CLASP1: variants seen among roughly 807,000 people sequenced by gnomAD.
CLASP1 encodes the protein cytoplasmic linker associated protein 1, also known as CLIP-associating protein 1.
In CLASP1, 38 loss-of-function variants were observed where a neutral mutation model predicts 192.3. That is an observed-to-expected ratio of 0.20 (90% CI 0.15 to 0.26). CLASP1 has a LOEUF of 0.26. CLASP1 is among the 10% of genes least tolerant of loss of function. The pLI is 1.00. For missense variants in CLASP1, 1,433 were observed against 1,932.5 expected (o/e 0.74, Z 4.85); for synonymous variants, 691 against 712.8 (o/e 0.97, Z 0.49).
At chr2:121,621,353 T>G (rs1443281648) in intron 1 of CLASP1, among the ~76,000 whole-genome samples, 4 of 152,210 alleles carry the variant, frequency 2.6e-5, no homozygotes. Context: ...CAGGCTGATC[T>G]TGAATTCCTG....
chr2:121,584,928 A>G (rs2061558522), intron 2 of CLASP1, among the ~76,000 whole-genome samples: 1 of 152,238 alleles, frequency 6.6e-6, no homozygotes, highest in Non-Finnish European at 1.5e-5. Flanking sequence ...CAAAGAAACA[A>G]AAGAAGGCTA....
At chr2:121,461,669 A>C (rs113101399) in intron 10 of CLASP1, among the ~76,000 whole-genome samples, 1 of 152,128 alleles carries the variant, frequency 6.6e-6, no homozygotes, top group African/African-American at 2.4e-5. Flanking sequence ...CTTAAGGATG[A>C]ACCTGAACCC....
At chr2:121,525,792 T>C (rs2094560976) in intron 6 of CLASP1, 53 bp downstream of exon 6, 7 of 1,285,546 alleles carry the variant, frequency 5.4e-6, no homozygotes, top group Admixed American at 5.4e-5. Context: ...CCAGAATGCA[T>C]CTCAACAGTC....
At chr2:121,583,148 T>C (rs2061390765) in intron 2 of CLASP1, among the ~76,000 whole-genome samples, 2 of 152,332 alleles carry the variant, frequency 1.3e-5, no homozygotes, top group South Asian at 4.1e-4. Context: ...TAAGGGACCG[T>C]TGTTGCTCTT....
chr2:121,579,234 G>C (rs1442230863), intron 2 of CLASP1, among the ~76,000 whole-genome samples: 6 of 152,188 alleles, frequency 3.9e-5, no homozygotes, highest in Non-Finnish European at 5.9e-5. Flanking sequence ...GAAGAAGACA[G>C]AGGGGCTGGG....
At chr2:121,387,725 G>C in intron 31 of CLASP1, 38 bp downstream of exon 32, 1 of 1,608,250 alleles carries the variant, frequency 6.2e-7, no homozygotes, top group Non-Finnish European at 8.5e-7. Flanking sequence ...AGAGGTCATG[G>C]ACATCACATA....
chr2:121,518,945 A>G (rs1049859258), intron 6 of CLASP1, among the ~76,000 whole-genome samples: 7 of 152,242 alleles, frequency 4.6e-5, no homozygotes, highest in Non-Finnish European at 7.3e-5. Context: ...CTTGAATACT[A>G]TTAAAGTGTA....
chr2:121,440,347 T>C (rs545287222), intron 19 of CLASP1, among the ~76,000 whole-genome samples: 77 of 152,344 alleles, frequency 5.1e-4, no homozygotes, highest in African/African-American at 1.8e-3. Flanking sequence ...TACCTGTGCA[T>C]GTTTTTAAAA....
intron 2 of CLASP1, among the ~76,000 whole-genome samples, chr2:121,533,436 T>C (rs1282121501): frequency 2.0e-5 from 3 of 152,198 alleles, no homozygotes; most frequent in Non-Finnish European, 4.4e-5. Flanking sequence ...TGGACAATAA[T>C]AACAGCTGCC....
At chr2:121,541,161 C>T (rs1000266207) in intron 2 of CLASP1, among the ~76,000 whole-genome samples, 1 of 152,146 alleles carries the variant, frequency 6.6e-6, no homozygotes, top group African/African-American at 2.4e-5. Flanking sequence ...CTTTCCAGAA[C>T]ATGAGGTCTG....
intron 26 of CLASP1, among the ~76,000 whole-genome samples, chr2:121,402,319 A>C (rs1351369418): frequency 6.6e-6 from 1 of 152,238 alleles, no homozygotes; most frequent in Non-Finnish European, 1.5e-5. Context: ...CTGTTGTGTA[A>C]TGATTTTTGC....
intron 1 of CLASP1, among the ~76,000 whole-genome samples, chr2:121,634,622 T>A (rs544050762): frequency 6.6e-6 from 1 of 152,220 alleles, no homozygotes; most frequent in African/African-American, 2.4e-5. Flanking sequence ...AGAAATCCAC[T>A]GCATGTTCTG....
intron 8 of CLASP1, among the ~76,000 whole-genome samples, chr2:121,481,852 G>C (rs1047120305): frequency 6.6e-6 from 1 of 152,160 alleles, no homozygotes; most frequent in Non-Finnish European, 1.5e-5. Context: ...ACTTTGTTGG[G>C]AGCTGGGATG....
At chr2:121,592,088 C>A (rs900570587) in intron 2 of CLASP1, among the ~76,000 whole-genome samples, 2 of 152,222 alleles carry the variant, frequency 1.3e-5, no homozygotes, top group Non-Finnish European at 2.9e-5. Context: ...CCAATGCTGT[C>A]TGACAATTCC....
chr2:121,475,161 G>C (rs72830808), intron 8 of CLASP1, among the ~76,000 whole-genome samples: 4 of 152,070 alleles, frequency 2.6e-5, no homozygotes, highest in Non-Finnish European at 5.9e-5. Context: ...TTCCCATCTC[G>C]ATTGGAAATT....
intron 2 of CLASP1, chr2:121,603,235 T>C (rs1485272080): frequency 2.6e-5 from 4 of 151,340 alleles, no homozygotes; most frequent in African/African-American, 7.3e-5. Flanking sequence ...TATATATATA[T>C]ACATATCCAA....
intron 8 of CLASP1, among the ~76,000 whole-genome samples, chr2:121,498,960 G>A (rs1384917732): frequency 6.6e-6 from 1 of 152,194 alleles, no homozygotes; most frequent in Non-Finnish European, 1.5e-5. Context: ...AACTCTTACA[G>A]GTTGCTGGTA....
chr2:121,445,738 G>A (rs1358274870), intron 19 of CLASP1, among the ~76,000 whole-genome samples: 3 of 152,164 alleles, frequency 2.0e-5, no homozygotes, highest in African/African-American at 7.2e-5. Context: ...CTTATCATCA[G>A]TGCTTCTGAA....
At chr2:121,416,224 C>A (rs981329523) in intron 23 of CLASP1, among the ~76,000 whole-genome samples, 1 of 152,144 alleles carries the variant, frequency 6.6e-6, no homozygotes, top group African/African-American at 2.4e-5. Flanking sequence ...AGTTAACACC[C>A]AACACTGGAA....
Sources: allele counts gnomAD v4.1 joint callset (sites outside exome capture counted in the v4.1 genomes callset), GRCh38; gene constraint gnomAD v4.1.1; transcripts MANE v1.5; gene names NCBI Gene and HGNC (gene_info 2026-07-23, HGNC 2026-07-21).